Variants in STK32B observed in about 807,000 individuals in gnomAD.
The protein encoded by STK32B is serine/threonine-protein kinase 32B.
STK32B carries 43 observed loss-of-function variants against 52.6 expected under a neutral mutation model. The observed-to-expected ratio is 0.82, with a 90% CI of 0.64 to 1.05. The LOEUF (loss-of-function observed/expected upper bound fraction) is 1.05, where lower values mean the gene tolerates loss of function less well. Ranked by LOEUF, STK32B falls within the 50% of genes least tolerant of loss-of-function variation. STK32B has a pLI of 0.00. For missense variants in STK32B, 621 were observed against 534.6 expected, an observed-to-expected ratio of 1.16 and a Z score of -1.59; for synonymous variants, 238 against 204.3, an observed-to-expected ratio of 1.17 and a Z score of -1.41.
At chr4:5,132,997 C>A (rs576069919) in intron 1 of STK32B, among the ~76,000 whole-genome samples, 3 of 152,140 alleles carry the variant, frequency 2.0e-5, no homozygotes, top group East Asian at 3.9e-4. Context: ...TGGGGTTTTG[C>A]CATGTTGGCT....
In STK32B at chr4:5,128,320, AGGCGGTGTT is replaced by A. The variant is rs963185209; in HGVS notation, c.53-11584_53-11576del. 3.9e-5 allele frequency among the ~76,000 whole-genome samples: 6 copies of A among 152,346 alleles called. 1 individual carries two copies. The highest frequency in any genetic ancestry group is 7.3e-5 in the Non-Finnish European group (5 of 68,034). On this transcript the variant is annotated intron_variant, in intron 1 of 11. Transcript: ENST00000282908. The stretch of plus-strand genomic sequence containing the variant: ...GGAATGCAGGAAGGAGGTATGCATA[AGGCGGTGTT>A]TGCTTTCGAGGAATCGATAGTTTAA...
Position 5,396,840 on chromosome 4 carries a change from T to C in STK32B, c.435-1367T>C, listed in dbSNP as rs1298314488. Among the ~76,000 whole-genome samples, 1 of 151,830 alleles carries C rather than the reference T, an allele frequency of 6.6e-6. No individual in the cohort carries two copies. The highest frequency in any genetic ancestry group is 1.5e-5 in the Non-Finnish European group (1 of 68,002). On this transcript the variant is annotated intron_variant, in intron 4 of 11. Transcript: ENST00000282908. This position sits in a 1 kb window ranked among gnomAD's most constrained non-coding sequence, Gnocchi z 4.7. ...AAGCATTTGCTGACTTCATCCGCAC[T>C]TGACTCTAGGTCTTCTGCCTTTTGT...
intron 9 of STK32B, among the ~76,000 whole-genome samples, chr4:5,463,358 C>A (rs28677053): frequency 0.082 from 12,510 of 152,228 alleles, 889 homozygotes; most frequent in East Asian, 0.39. Context: ...CAGCCTGTGG[C>A]TTTGCCATAT....
At chr4:5,246,730 G>A (rs1227048352) in intron 3 of STK32B, among the ~76,000 whole-genome samples, 1 of 152,126 alleles carries the variant, frequency 6.6e-6, no homozygotes, top group Admixed American at 6.6e-5. Flanking sequence ...TTTGATGATG[G>A]TGACATACAT....
intron 4 of STK32B, among the ~76,000 whole-genome samples, chr4:5,385,767 C>T (rs985959792): frequency 6.6e-6 from 1 of 152,090 alleles, no homozygotes; most frequent in Non-Finnish European, 1.5e-5. Context: ...TCCACCTCTC[C>T]TGGCCTATGG....
At chr4:5,094,131 G>T (rs1342596537) in intron 1 of STK32B, among the ~76,000 whole-genome samples, 1 of 152,116 alleles carries the variant, frequency 6.6e-6, no homozygotes, top group Non-Finnish European at 1.5e-5. Flanking sequence ...ATGGGTGCAG[G>T]ATTGCTACAA....
chr4:5,162,697 T>C (rs1718539928), intron 2 of STK32B, among the ~76,000 whole-genome samples: 1 of 152,206 alleles, frequency 6.6e-6, no homozygotes, highest in Admixed American at 6.5e-5. Context: ...TTTGGCCAGA[T>C]TGCTTGCTGT....
intron 4 of STK32B, among the ~76,000 whole-genome samples, chr4:5,360,814 C>CAAA (rs1210931462): frequency 1.3e-5 from 2 of 152,054 alleles, no homozygotes; most frequent in Non-Finnish European, 2.9e-5. Context: ...CTCAAACAAA[C>CAAA]AAAAACAACA....
chr4:5,123,504 C>T (rs576810430), intron 1 of STK32B, among the ~76,000 whole-genome samples: 2 of 152,280 alleles, frequency 1.3e-5, no homozygotes, highest in Admixed American at 1.3e-4. Flanking sequence ...TGGGGGGCTT[C>T]AACAACAAAC....
chr4:5,335,457 G>GT (rs943507594), intron 4 of STK32B, among the ~76,000 whole-genome samples: 27 of 152,022 alleles, frequency 1.8e-4, no homozygotes, highest in African/African-American at 5.8e-4. Flanking sequence ...TTTTTCAATG[G>GT]TTTTTTATGT....
chr4:5,074,989 C>T (rs572564838), intron 1 of STK32B, among the ~76,000 whole-genome samples: 2 of 152,162 alleles, frequency 1.3e-5, no homozygotes, highest in Non-Finnish European at 2.9e-5. Flanking sequence ...GAAATCTCTA[C>T]TAAGCTCTTT....
At chr4:5,152,023 C>T (rs6823878) in intron 2 of STK32B, among the ~76,000 whole-genome samples, 1 of 152,092 alleles carries the variant, frequency 6.6e-6, no homozygotes, top group Non-Finnish European at 1.5e-5. Context: ...TCCAAGGTGT[C>T]GCCATGTGAT....
chr4:5,474,797 C>T (rs1718109725), intron 11 of STK32B, among the ~76,000 whole-genome samples: 1 of 152,100 alleles, frequency 6.6e-6, no homozygotes, highest in African/African-American at 2.4e-5. Flanking sequence ...ATTTTTATTC[C>T]CGTTTCACAG....
intron 3 of STK32B, among the ~76,000 whole-genome samples, chr4:5,305,351 C>T (rs1011819096): frequency 2.6e-5 from 4 of 151,950 alleles, no homozygotes; most frequent in African/African-American, 9.7e-5. Context: ...TTTTTAATTA[C>T]CATTTCAATC....
At chr4:5,043,692 C>A in the STK32B span, among the ~76,000 whole-genome samples, 1 of 152,228 alleles carries the variant, frequency 6.6e-6, no homozygotes, top group Non-Finnish European at 1.5e-5. Flanking sequence ...TCCAGCAGGG[C>A]TTCAGGTGGG....
chr4:5,191,222 G>A (rs527746753), intron 3 of STK32B, among the ~76,000 whole-genome samples: 50 of 152,016 alleles, frequency 3.3e-4, no homozygotes, highest in African/African-American at 1.2e-3. Context: ...TTGAGTTTGT[G>A]GACCAGGCCT....
chr4:5,344,524 C>T (rs899995933), intron 4 of STK32B, among the ~76,000 whole-genome samples: 1 of 152,142 alleles, frequency 6.6e-6, no homozygotes, highest in Non-Finnish European at 1.5e-5. Flanking sequence ...GGAACCTTGA[C>T]ATGTATAAGA....
the STK32B span, among the ~76,000 whole-genome samples, chr4:5,025,385 C>A: frequency 5.3e-5 from 8 of 152,190 alleles, no homozygotes; most frequent in African/African-American, 1.7e-4. Flanking sequence ...TTCCTTAGAC[C>A]ATTGCAGTGA....
At chr4:5,384,361 G>T (rs1486673549) in intron 4 of STK32B, among the ~76,000 whole-genome samples, 1 of 152,176 alleles carries the variant, frequency 6.6e-6, no homozygotes, top group Non-Finnish European at 1.5e-5. Flanking sequence ...CAGATGTGGG[G>T]TGTGGACAGT....
Sources: allele counts gnomAD v4.1 joint callset (sites outside exome capture counted in the v4.1 genomes callset), GRCh38; gene constraint gnomAD v4.1.1; non-coding constraint Gnocchi (gnomAD v3.1); transcripts MANE v1.5; gene names NCBI Gene and HGNC (gene_info 2026-07-23, HGNC 2026-07-21).